The following ZFAND3 variants were observed in gnomAD, a reference collection of about 807,000 sequenced individuals.
ZFAND3 encodes the protein AN1-type zinc finger protein 3.
A neutral mutation model predicts 29.6 loss-of-function variants in ZFAND3; 10 were observed. That is an observed-to-expected ratio of 0.34 (90% CI 0.21 to 0.57). The LOEUF (loss-of-function observed/expected upper bound fraction) is 0.57, where lower values mean the gene tolerates loss of function less well. Ranked by LOEUF, ZFAND3 falls within the 20% of genes least tolerant of loss-of-function variation. The pLI, the probability that ZFAND3 is intolerant of heterozygous loss-of-function variation, is 0.86. For missense variants in ZFAND3, 230 were observed against 304.5 expected (o/e 0.76, Z 1.82); for synonymous variants, 128 against 112.6 (o/e 1.14, Z -0.87).
At chr6:38,144,184 A>AATATATAT (rs1554183921) in intron 5 of ZFAND3, among the ~76,000 whole-genome samples, 442 of 42,450 alleles carry the variant, frequency 0.01, 8 homozygotes, top group Middle Eastern at 0.026. Flanking sequence ...ATATATATAT[A>AATATATAT]ATATATATAT....
rs1028216968 is a variant in ZFAND3 at position 37,924,538 on chromosome 6, A to T, written c.72-5421A>T. ...GAAAACAGGAAGAGGAACTGATTTA[A>T]ATTGGGTGGTCAGGCCACAGGAGTT... On this transcript the variant is annotated intron_variant, in intron 1 of 5. Coordinates refer to ENST00000287218, the MANE Select transcript of ZFAND3 (RefSeq NM_021943.3). Among the ~76,000 whole-genome samples, 12 of 152,066 alleles carry T rather than the reference A, an allele frequency of 7.9e-5. 1 individual carries two copies. Among genetic ancestry groups the T allele is most frequent in the Non-Finnish European group, 1.3e-4 (9 of 68,006 alleles).
At chr6:37,967,936 A>T (rs1429327506) in intron 2 of ZFAND3, among the ~76,000 whole-genome samples, 3 of 152,280 alleles carry the variant, frequency 2.0e-5, no homozygotes, top group Middle Eastern at 3.4e-3. Context: ...TTTTACTAAC[A>T]TAATCCTCTT....
At chr6:38,031,656 C>T (rs1763561237) in intron 2 of ZFAND3, among the ~76,000 whole-genome samples, 1 of 152,154 alleles carries the variant, frequency 6.6e-6, no homozygotes, top group African/African-American at 2.4e-5. Flanking sequence ...GGAGCCTTAG[C>T]TTCTCCAATT....
At position 37,827,132 on chromosome 6, in the gene ZFAND3, CAT is replaced by C. The variant is rs543360849; in HGVS notation, c.71+7118_71+7119del. Reference sequence around the variant, plus strand: ...GCTCTAAATTTCTTTCCGGCCCTAACATAGTTTATTTCCACTGGGAGAAGCAA... The same window carrying C: ...GCTCTAAATTTCTTTCCGGCCCTAACAGTTTATTTCCACTGGGAGAAGCAA... On this transcript the variant is annotated intron_variant, in intron 1 of 5. Coordinates refer to ENST00000287218, the MANE Select transcript of ZFAND3 (RefSeq NM_021943.3). 1.6e-3 allele frequency among the ~76,000 whole-genome samples: 246 copies of C among 152,292 alleles called. 4 individuals carry two copies. Among genetic ancestry groups the C allele is most frequent in the Non-Finnish European group, 1.7e-3 (119 of 68,014 alleles).
chr6:37,920,747 A>G (rs1411915395), intron 1 of ZFAND3, among the ~76,000 whole-genome samples: 1 of 152,246 alleles, frequency 6.6e-6, no homozygotes, highest in Non-Finnish European at 1.5e-5. Flanking sequence ...AAATTTGCAG[A>G]CATGGTCTGA....
At chr6:38,082,818 A>G (rs563009084) in intron 4 of ZFAND3, among the ~76,000 whole-genome samples, 168 of 152,324 alleles carry the variant, frequency 1.1e-3, no homozygotes, top group Non-Finnish European at 1.5e-3. Context: ...GTAGAAAATC[A>G]GTGTTTTAAA....
At chr6:37,949,594 A>G (rs1267862596) in intron 2 of ZFAND3, among the ~76,000 whole-genome samples, 2 of 152,212 alleles carry the variant, frequency 1.3e-5, no homozygotes, top group Non-Finnish European at 2.9e-5. Context: ...AACTTCTGAC[A>G]CACACATCAA....
chr6:37,976,108 A>G lies in ZFAND3; in HGVS notation c.112+46109A>G, dbSNP rs78668621. ...ACATGTTTTGTCAGATTTATCTCTA[A>G]GAAGTTAATATTGTTGATGCTACTT... On this transcript the variant is annotated intron_variant, in intron 2 of 5. Transcript: ENST00000287218. 0.017 allele frequency among the ~76,000 whole-genome samples: 2,590 copies of G among 152,278 alleles called. 254 individuals carry two copies. The East Asian group carries it at 0.28, about 16-fold the overall frequency.
At chr6:37,840,148 A>C (rs937766958) in intron 1 of ZFAND3, among the ~76,000 whole-genome samples, 1 of 151,576 alleles carries the variant, frequency 6.6e-6, no homozygotes, top group Non-Finnish European at 1.5e-5. Context: ...CCCAAGCTGG[A>C]GTGCAGTGGC....
chr6:38,046,844 T>C (rs1486239850), intron 2 of ZFAND3, among the ~76,000 whole-genome samples: 1 of 152,206 alleles, frequency 6.6e-6, no homozygotes, highest in African/African-American at 2.4e-5. Context: ...ATCTGCTTAA[T>C]ATGGTTTTAT....
chr6:37,842,655 A>G (rs1764099821), intron 1 of ZFAND3, among the ~76,000 whole-genome samples: 1 of 152,210 alleles, frequency 6.6e-6, no homozygotes, highest in South Asian at 2.1e-4. Context: ...ACATCAAGAA[A>G]AGGACTAGAA....
At chr6:38,092,919 A>G (rs559317142) in intron 4 of ZFAND3, among the ~76,000 whole-genome samples, 2 of 152,292 alleles carry the variant, frequency 1.3e-5, no homozygotes, top group African/African-American at 2.4e-5. Context: ...AGTACCCTCA[A>G]AACTAACCTA....
At chr6:37,925,921 A>T (rs1761476599) in intron 1 of ZFAND3, among the ~76,000 whole-genome samples, 1 of 152,162 alleles carries the variant, frequency 6.6e-6, no homozygotes, top group Non-Finnish European at 1.5e-5. Context: ...ATTGAAGGTA[A>T]ACATTTTTGC....
chr6:37,929,540 C>G (rs937550695), intron 1 of ZFAND3, among the ~76,000 whole-genome samples: 2 of 152,002 alleles, frequency 1.3e-5, no homozygotes, highest in Non-Finnish European at 2.9e-5. Flanking sequence ...AAAGTTTTAC[C>G]CATTTACGAA....
chr6:37,907,053 A>AT (rs34394275), intron 1 of ZFAND3, among the ~76,000 whole-genome samples: 58,374 of 151,090 alleles, frequency 0.39, 11,974 homozygotes, highest in Non-Finnish European at 0.47. Flanking sequence ...CTTTTAATGT[A>AT]TTTTTTTTTG....
chr6:38,083,323 C>CTGGA (rs1299302809), intron 4 of ZFAND3, among the ~76,000 whole-genome samples: 2 of 152,138 alleles, frequency 1.3e-5, no homozygotes, highest in Admixed American at 1.3e-4. Flanking sequence ...CATCCAGGCA[C>CTGGA]TGAATTCTAA....
intron 1 of ZFAND3, among the ~76,000 whole-genome samples, chr6:37,847,863 GTT>G (rs1424642755): frequency 6.6e-6 from 1 of 152,212 alleles, no homozygotes; most frequent in Non-Finnish European, 1.5e-5. Flanking sequence ...CATAAATAAA[GTT>G]TTATTGGAAC....
At chr6:37,839,430 C>T (rs1421262143) in intron 1 of ZFAND3, among the ~76,000 whole-genome samples, 1 of 152,056 alleles carries the variant, frequency 6.6e-6, no homozygotes, top group African/African-American at 2.4e-5. Flanking sequence ...GATCTGCCTG[C>T]CTTGGCCTCC....
chr6:37,901,774 G>A (rs1765323288), intron 1 of ZFAND3, among the ~76,000 whole-genome samples: 1 of 152,196 alleles, frequency 6.6e-6, no homozygotes, highest in Admixed American at 6.5e-5. Flanking sequence ...TCACTTCCAT[G>A]TTCTGTTTGC....
Sources: gnomAD v4.1 joint callset for allele counts (sites outside exome capture counted in the v4.1 genomes callset) on GRCh38, gnomAD v4.1.1 for gene constraint, MANE v1.5 for transcripts, NCBI Gene and HGNC (gene_info 2026-07-23, HGNC 2026-07-21) for gene names.